Variants in SHISA9 observed in about 807,000 individuals in gnomAD.
SHISA9 encodes the protein shisa family member 9.
Under a neutral mutation model 38.0 loss-of-function variants are expected in SHISA9, and 13 were observed. The observed-to-expected ratio is 0.34, with a 90% CI of 0.22 to 0.54. The LOEUF is 0.54. SHISA9 is among the 20% of genes least tolerant of loss of function. The pLI is 0.91. For missense variants in SHISA9, 538 were observed against 575.8 expected, an observed-to-expected ratio of 0.93 and a Z score of 0.67; for synonymous variants, 275 against 242.0, an observed-to-expected ratio of 1.14 and a Z score of -1.27.
At chr16:13,279,104 G>C in the SHISA9 span, among the ~76,000 whole-genome samples, 21 of 151,568 alleles carry the variant, frequency 1.4e-4, no homozygotes, top group African/African-American at 4.8e-4. Context: ...TTTGCATTCA[G>C]TTCAACAAAT....
At chr16:13,265,688 A>G in the SHISA9 span, among the ~76,000 whole-genome samples, 94 of 151,640 alleles carry the variant, frequency 6.2e-4, no homozygotes, top group African/African-American at 2.2e-3. Flanking sequence ...AGTGCATACA[A>G]TCATCAAACC....
At chr16:13,198,908 A>G (rs893136907) in intron 2 of SHISA9, among the ~76,000 whole-genome samples, 1 of 152,194 alleles carries the variant, frequency 6.6e-6, no homozygotes. Flanking sequence ...GTGGGGTATT[A>G]TGGTTGTGTC....
the SHISA9 span, among the ~76,000 whole-genome samples, chr16:13,313,238 G>A: frequency 2.4e-5 from 3 of 125,718 alleles, no homozygotes; most frequent in African/African-American, 9.3e-5. Flanking sequence ...CTGGGCGACA[G>A]AGCGAGACTC....
At chr16:13,267,546 C>A in the SHISA9 span, among the ~76,000 whole-genome samples, 1 of 152,142 alleles carries the variant, frequency 6.6e-6, no homozygotes, top group African/African-American at 2.4e-5. Flanking sequence ...ACCTCCAAGA[C>A]AGCAATCGTA....
At chr16:13,508,761 C>G in the SHISA9 span, among the ~76,000 whole-genome samples, 1 of 152,182 alleles carries the variant, frequency 6.6e-6, no homozygotes, top group East Asian at 1.9e-4. Flanking sequence ...TGTTCACTAG[C>G]TAAGAAACTT....
the SHISA9 span, among the ~76,000 whole-genome samples, chr16:13,526,790 G>A: frequency 1.2e-4 from 18 of 152,058 alleles, no homozygotes; most frequent in African/African-American, 2.9e-4. Context: ...ACCGATTAAT[G>A]CATGGACTCC....
chr16:13,128,428 T>TC (rs1016828796), intron 2 of SHISA9, among the ~76,000 whole-genome samples: 1 of 152,118 alleles, frequency 6.6e-6, no homozygotes, highest in Non-Finnish European at 1.5e-5. Flanking sequence ...ACCTAGCAGC[T>TC]AGGAGGCTCC....
intron 1 of SHISA9, among the ~76,000 whole-genome samples, chr16:12,904,931 A>C (rs1292439590): frequency 2.0e-5 from 3 of 151,896 alleles, no homozygotes; most frequent in Non-Finnish European, 4.4e-5. Context: ...TTGGCCAGGC[A>C]GGTTTTGAAC....
chr16:13,024,620 G>A (rs1322572826), intron 2 of SHISA9, among the ~76,000 whole-genome samples: 1 of 152,228 alleles, frequency 6.6e-6, no homozygotes, highest in African/African-American at 2.4e-5. Context: ...GTTGAAATGC[G>A]AGAGATCTGG....
At chr16:13,382,268 C>T in the SHISA9 span, among the ~76,000 whole-genome samples, 1 of 152,142 alleles carries the variant, frequency 6.6e-6, no homozygotes, top group African/African-American at 2.4e-5. Flanking sequence ...TGGCTCATGC[C>T]TGTAATCCCA....
the SHISA9 span, among the ~76,000 whole-genome samples, chr16:13,353,821 G>A: frequency 2.0e-5 from 3 of 152,124 alleles, no homozygotes; most frequent in Non-Finnish European, 2.9e-5. Flanking sequence ...TGAAGACGGA[G>A]GACCGTAAGG....
chr16:13,452,003 A>T, the SHISA9 span, among the ~76,000 whole-genome samples: 1 of 152,072 alleles, frequency 6.6e-6, no homozygotes, highest in African/African-American at 2.4e-5. Flanking sequence ...TGCTGAAGGG[A>T]CCCTTTGTTT....
chr16:13,363,481 G>C, the SHISA9 span, among the ~76,000 whole-genome samples: 2 of 152,228 alleles, frequency 1.3e-5, no homozygotes, highest in African/African-American at 4.8e-5. Flanking sequence ...GGAGAGGATG[G>C]TATTAGGATG....
At chr16:13,322,958 T>C in the SHISA9 span, among the ~76,000 whole-genome samples, 1,032 of 152,232 alleles carry the variant, frequency 6.8e-3, 6 homozygotes, top group Middle Eastern at 0.031. Flanking sequence ...GCACCACAAC[T>C]GTGAGAAGTA....
In SHISA9 at chr16:13,235,376, C is replaced by T; in HGVS notation, c.1242C>T (p.Phe414=). Residue 414 remains phenylalanine, a synonymous_variant, in exon 5 of 5, where the codon TTC becomes TTT. Transcript: ENST00000558583. ...PQHYPPPQPY[F]ITNSKTEVTV ...ACTACCCACCCCCACAGCCATACTT[C>T]ATCACCAACAGCAAAACAGAAGTGA... The T allele has an allele frequency of 1.3e-6, 2 of 1,539,762 alleles. No individual in the cohort carries two copies. Among genetic ancestry groups the T allele is most frequent in the Non-Finnish European group, 1.7e-6 (2 of 1,146,874 alleles).
intron 2 of SHISA9, among the ~76,000 whole-genome samples, chr16:13,156,000 G>A (rs566796168): frequency 1.3e-5 from 2 of 152,168 alleles, no homozygotes; most frequent in Non-Finnish European, 2.9e-5. Context: ...TGAGTGGGGT[G>A]GTGGGAATGT....
At chr16:13,073,798 C>G (rs2073547262) in intron 2 of SHISA9, among the ~76,000 whole-genome samples, 1 of 152,078 alleles carries the variant, frequency 6.6e-6, no homozygotes, top group Non-Finnish European at 1.5e-5. Flanking sequence ...GAGGCGGATA[C>G]AAGCCAAGGA....
the SHISA9 span, among the ~76,000 whole-genome samples, chr16:13,476,555 CAA>C: frequency 6.6e-6 from 1 of 151,982 alleles, no homozygotes; most frequent in African/African-American, 2.4e-5. Context: ...ATTTGAAATT[CAA>C]AGTCAGTCAT....
chr16:13,305,063 T>C, the SHISA9 span, among the ~76,000 whole-genome samples: 190 of 152,340 alleles, frequency 1.2e-3, no homozygotes, highest in African/African-American at 4.0e-3. Context: ...GTTTTTTCTT[T>C]TGGATTTTAG....
Sources: allele counts gnomAD v4.1 joint callset (sites outside exome capture counted in the v4.1 genomes callset), GRCh38; gene constraint gnomAD v4.1.1; transcripts MANE v1.5; gene names NCBI Gene and HGNC (gene_info 2026-07-23, HGNC 2026-07-21).